NOP53: variants seen among roughly 807,000 people sequenced by gnomAD.
The protein encoded by NOP53 is NOP53 ribosome biogenesis factor, also known as ribosome biogenesis protein NOP53.
A neutral mutation model predicts 61.0 loss-of-function variants in NOP53; 40 were observed. The observed-to-expected ratio is 0.66, with a 90% CI of 0.51 to 0.85. The LOEUF is 0.85. Among genes scored for constraint, NOP53 ranks in the 40% least tolerant of loss-of-function variants. The pLI is 0.00. For synonymous variants in NOP53, 308 were observed against 289.5 expected (o/e 1.06, Z -0.65); for missense variants, 689 against 652.9 (o/e 1.06, Z -0.60).
rs559668198 is a variant in NOP53, at chr19:47,756,345, AG to A, written c.1297-181del. The A allele has an allele frequency of 2.7e-4, 162 of 599,360 alleles. 1 individual carries two copies. Among genetic ancestry groups the A allele is most frequent in the African/African-American group, 2.2e-3 (116 of 53,916 alleles). 37.1% of individuals were successfully genotyped at this position (599,360 alleles called of 1,614,324 possible). ...CTAAGCCCAGCTTAGAGATGGCCATAGGTTGGTGGCTGTCATCCCAACACTG... is the reference window on the plus strand; with the variant it reads ...CTAAGCCCAGCTTAGAGATGGCCATAGTTGGTGGCTGTCATCCCAACACTG... On this transcript the variant is annotated intron_variant, in intron 10 of 12. Transcript: ENST00000246802.
chr19:47,750,041 A>C, intron 2 of NOP53, 137 bp from the exon 3 acceptor site: 1 of 568,384 alleles, frequency 1.8e-6, no homozygotes, highest in Non-Finnish European at 3.2e-6. Flanking sequence ...ACCTCCAGGT[A>C]GGAGCCTGGG....
chr19:47,751,227 C>A, intron 4 of NOP53, 120 bp downstream of exon 4: 1 of 964,378 alleles, frequency 1.0e-6, no homozygotes, highest in Non-Finnish European at 1.6e-6. Flanking sequence ...CTTTGGTGAC[C>A]TCCCAGCAGA....
chr19:47,755,387 C>A lies in NOP53; in HGVS notation c.1093C>A (p.His365Asn). ...CGCGTTGCGGGCCGCCCGGCTCCGGCACCAGGAGCTGTTCCGGCTGCGCGG... is the reference window on the plus strand; with the variant it reads ...CGCGTTGCGGGCCGCCCGGCTCCGGAACCAGGAGCTGTTCCGGCTGCGCGG... The part of the protein sequence containing the change: ...QAALRAARLR[H>N]QELFRLRGIK... The change falls in exon 9 of 13, where the codon CAC becomes AAC. Residue 365 changes from histidine to asparagine, a missense_variant. Transcript: ENST00000246802. The A allele has an allele frequency of 6.5e-7, 1 of 1,527,214 alleles. No homozygotes were observed. The highest frequency in any genetic ancestry group is 1.2e-5 in the South Asian group (1 of 82,762). 94.6% of individuals were successfully genotyped at this position (1,527,214 alleles called of 1,614,324 possible). A position where few individuals can be genotyped will look rare whatever the true frequency, so the allele number is the denominator to read the frequency against.
chr19:47,756,153 C>T, intron 10 of NOP53: 1 of 513,024 alleles, frequency 1.9e-6, no homozygotes, highest in Non-Finnish European at 3.5e-6. Context: ...TCCCCAGTGC[C>T]CCTGAGGAAG....
chr19:47,754,429 T>C lies in NOP53; in HGVS notation c.766-98T>C, dbSNP rs1967161408. On this transcript the variant is annotated intron_variant, in intron 6 of 12. Transcript: ENST00000246802. The surrounding 1 kb of genome is among the most constrained non-coding windows in gnomAD (Gnocchi z 4.2). ...GAGGAAAGCCTGGGCCGGGGCGGGA[T>C]CCACGGGCACTGGATGAGGGACAGA... The C allele has an allele frequency of 4.2e-6, 4 of 949,798 alleles. No homozygotes were observed. The highest frequency in any genetic ancestry group is 3.0e-5 in the South Asian group (2 of 66,142). The allele number at this position is 949,798 out of a possible 1,614,324, so 58.8% of individuals were successfully genotyped here.
chr19:47,754,631 G>A lies in NOP53; in HGVS notation c.870G>A (p.Gln290=). ...CCGCCACGGAGCAGGCCGCCACCCAGGTGAGCCCCGCACCTGCCCACTCCC... is the reference window on the plus strand; with the variant it reads ...CCGCCACGGAGCAGGCCGCCACCCAAGTGAGCCCCGCACCTGCCCACTCCC... ...ALPATEQAAT[Q]ESTFQELCEG... is the part of the protein sequence containing the mutation. The change falls in exon 7 of 13, where the codon CAG becomes CAA. Residue 290 remains glutamine, a splice_region_variant and synonymous_variant. Transcript: ENST00000246802. The surrounding 1 kb of genome is among the most constrained non-coding windows in gnomAD (Gnocchi z 4.2). The A allele has an allele frequency of 1.3e-6, 2 of 1,548,978 alleles. No homozygotes were observed. The highest frequency in any genetic ancestry group is 8.7e-7 in the Non-Finnish European group (1 of 1,147,026).
intron 10 of NOP53, chr19:47,756,139 T>C: frequency 2.0e-6 from 1 of 511,962 alleles, no homozygotes; most frequent in Non-Finnish European, 3.5e-6. Context: ...GAACCTGCTG[T>C]GGCTCCCCAG....
Position 47,756,722 on chromosome 19 carries a change from A to T in NOP53, c.1408A>T (p.Lys470Ter). The T allele has an allele frequency of 6.2e-7, 1 of 1,613,560 alleles. No individual in the cohort carries two copies. The highest frequency in any genetic ancestry group is 8.5e-7 in the Non-Finnish European group (1 of 1,179,974). ...CAAGTACAAGGTGAAGCTGGTGGAG[A>T]AGCGGGCGTTCCGTGAGATCCAGTG... ...KRKYKVKLVE[K>*]RAFREIQL Residue 470 changes from lysine to a stop codon, truncating the protein, a stop_gained, in exon 12 of 13, where the codon AAG becomes TAG. Coordinates refer to ENST00000246802, the MANE Select transcript of NOP53 (RefSeq NM_015710.5). LOFTEE classifies it high-confidence loss of function.
chr19:47,755,338 G>C lies in NOP53; in HGVS notation c.1054-10G>C. ...CCGGCCTGAGCCCTGACCCTCCCCC[G>C]TCTCCACAGCGGGTACAGCAGGCCG... On this transcript the variant is annotated splice_polypyrimidine_tract_variant and intron_variant, in intron 8 of 12. Transcript: ENST00000246802. 1 of 1,487,202 alleles carries C rather than the reference G, an allele frequency of 6.7e-7. No homozygotes were observed. Among genetic ancestry groups the C allele is most frequent in the Admixed American group, 2.4e-5 (1 of 40,942 alleles). The allele number at this position is 1,487,202 out of a possible 1,614,324, so 92.1% of individuals were successfully genotyped here. A position where few individuals can be genotyped will look rare whatever the true frequency, so the allele number is the denominator to read the frequency against.
chr19:47,754,797 G>A lies in NOP53; in HGVS notation c.959G>A (p.Gly320Glu), dbSNP rs1450467111. Residue 320 changes from glycine to glutamate, a missense_variant, in exon 8 of 13, where the codon GGG (glycine) becomes GAG (glutamate). Transcript: ENST00000246802. The surrounding 1 kb of genome is among the most constrained non-coding windows in gnomAD (Gnocchi z 4.2). Reference sequence around the variant, plus strand: ...GGCCAGGGCGAGGGGCCGGAGGCTGGGGATGCCGAGGTCTGTCCCACGCCC... The same window carrying A: ...GGCCAGGGCGAGGGGCCGGAGGCTGAGGATGCCGAGGTCTGTCCCACGCCC... ...EPGQGEGPEA[G>E]DAEVCPTPAR... The A allele has an allele frequency of 1.3e-6, 2 of 1,532,758 alleles. No individual in the cohort carries two copies. The highest frequency in any genetic ancestry group is 1.8e-6 in the Non-Finnish European group (2 of 1,142,294). The allele number at this position is 1,532,758 out of a possible 1,614,324, so 94.9% of individuals were successfully genotyped here.
chr19:47,746,519 A>G (rs1296832373), intron 1 of NOP53: 1 of 155,182 alleles, frequency 6.4e-6, no homozygotes, highest in African/African-American at 2.4e-5. Flanking sequence ...ATGCACCACC[A>G]CGTCCGGCTA....
intron 3 of NOP53, 51 bp from the exon 4 acceptor site, chr19:47,750,857 G>T: frequency 2.0e-6 from 3 of 1,492,942 alleles, no homozygotes; most frequent in Non-Finnish European, 2.7e-6. Context: ...CCCTGCTGCC[G>T]TTCAGGCTGC....
At position 47,755,482 on chromosome 19, in the gene NOP53, G is replaced by A. The variant is rs1481416509; in HGVS notation, c.1188G>A (p.Arg396=). The change falls in exon 9 of 13, where the codon CGG becomes CGA. Residue 396 remains arginine, a synonymous_variant. Transcript: ENST00000246802. ...ARRQRRRQAR[R]EAEADKPRRL... is the part of the protein sequence containing the mutation. ...GGCAGAGGCGGCGGCAGGCGCGGCG[G>A]GAGGCTGAGGCTGACAAGCCCCGAA... is the stretch of plus-strand genomic sequence containing the variant. 2 of 1,484,188 alleles carry A rather than the reference G, an allele frequency of 1.3e-6. No individual in the cohort carries two copies. The highest frequency in any genetic ancestry group is 2.6e-5 in the East Asian group (1 of 39,152). 91.9% of individuals were successfully genotyped at this position (1,484,188 alleles called of 1,614,324 possible).
At chr19:47,755,212 G>A (rs1967175242) in intron 8 of NOP53, 136 bp from the exon 9 acceptor site, 4 of 589,202 alleles carry the variant, frequency 6.8e-6, no homozygotes, top group Non-Finnish European at 1.1e-5. Flanking sequence ...GCACTGGAGG[G>A]GCCGCTGATG....
Position 47,750,219 on chromosome 19 carries a change from C to T in NOP53, c.331C>T (p.Leu111Phe). The T allele has an allele frequency of 6.2e-7, 1 of 1,613,014 alleles. No individual in the cohort carries two copies. The highest frequency in any genetic ancestry group is 8.5e-7 in the Non-Finnish European group (1 of 1,178,994). The change falls in exon 3 of 13, where the codon CTT becomes TTT. Residue 111 changes from leucine (L) to phenylalanine (F), a missense_variant. By Grantham distance (22) the Leu-to-Phe change is conservative. Coordinates refer to ENST00000246802, the MANE Select transcript of NOP53 (RefSeq NM_015710.5). Reference sequence around the variant, plus strand: ...AACCAAAGTCCAGAAGAAGTCACTGCTTCTCAAGAAACCCCTTCGGGTTGA... The same window carrying T: ...AACCAAAGTCCAGAAGAAGTCACTGTTTCTCAAGAAACCCCTTCGGGTTGA... ...KRTKVQKKSL[L>F]LKKPLRVDLI...
In NOP53 at chr19:47,756,521, C is replaced by T. The variant is rs1468643716; in HGVS notation, c.1297-7C>T. On this transcript the variant is annotated splice_region_variant and splice_polypyrimidine_tract_variant and intron_variant, in intron 10 of 12. Coordinates refer to ENST00000246802, the MANE Select transcript of NOP53 (RefSeq NM_015710.5). The stretch of plus-strand genomic sequence containing the variant: ...GCCCTGCTGAGGCCTCCCTCTCTGT[C>T]CTGTAGCCCGAGGGCAACATCCTTC... 2.5e-6 allele frequency: 4 copies of T among 1,612,724 alleles called. No individual in the cohort carries two copies. The South Asian group carries it at 3.3e-5, about 13-fold the overall frequency.
In NOP53 at chr19:47,750,892, C is replaced by T. The variant is rs888380946; in HGVS notation, c.399-16C>T. 4.5e-6 allele frequency: 7 copies of T among 1,568,126 alleles called. No homozygotes were observed. The highest frequency in any genetic ancestry group is 2.3e-5 in the South Asian group (2 of 85,268). On this transcript the variant is annotated splice_polypyrimidine_tract_variant and intron_variant, in intron 3 of 12. Coordinates refer to ENST00000246802, the MANE Select transcript of NOP53 (RefSeq NM_015710.5). ...CCACCTCACCTGCTGCACTTGTGCC[C>T]CCTCTCCCCGACCAGCGTCCTCGCC...
chr19:47,748,863 A>G (rs951602768), intron 2 of NOP53, among the ~76,000 whole-genome samples: 8 of 150,708 alleles, frequency 5.3e-5, no homozygotes, highest in African/African-American at 2.0e-4. Context: ...TGGGCGACAG[A>G]GCAAGACTCT....
At position 47,748,561 on chromosome 19, in the gene NOP53, G is replaced by T. The variant is rs554255893; in HGVS notation, c.289+1530G>T. ...GTGACCAGATAGAGTGGAAGGAGCT[G>T]CCCTGAGGTACAGGAGACTTCCAAT... is the stretch of plus-strand genomic sequence containing the variant. On this transcript the variant is annotated intron_variant, in intron 2 of 12. Coordinates refer to ENST00000246802, the MANE Select transcript of NOP53 (RefSeq NM_015710.5). Among the ~76,000 whole-genome samples, 9 of 152,054 alleles carry T rather than the reference G, an allele frequency of 5.9e-5. No individual in the cohort carries two copies. The South Asian group carries it at 6.2e-4, about 11-fold the overall frequency.
Sources: allele counts gnomAD v4.1 joint callset (sites outside exome capture counted in the v4.1 genomes callset), GRCh38; gene constraint gnomAD v4.1.1; non-coding constraint Gnocchi (gnomAD v3.1); transcripts MANE v1.5; gene names NCBI Gene and HGNC (gene_info 2026-07-23, HGNC 2026-07-21).